Variants in SEMA5A observed in about 807,000 individuals in gnomAD.
SEMA5A encodes semaphorin-5A.
In SEMA5A, 55 loss-of-function variants were observed where a neutral mutation model predicts 135.5. The ratio of observed to expected loss-of-function variants is 0.41; its 90% CI spans 0.33 to 0.51. The LOEUF (loss-of-function observed/expected upper bound fraction) is 0.51. Among genes scored for constraint, SEMA5A ranks in the 20% least tolerant of loss-of-function variants. SEMA5A has a pLI of 0.37. For synonymous variants in SEMA5A, 580 were observed against 546.5 expected, an observed-to-expected ratio of 1.06 and a Z score of -0.85; for missense variants, 1,290 against 1,419.9, an observed-to-expected ratio of 0.91 and a Z score of 1.47.
chr5:9,470,599 G>A (rs1312459284), intron 1 of SEMA5A, among the ~76,000 whole-genome samples: 1 of 152,158 alleles, frequency 6.6e-6, no homozygotes, highest in South Asian at 2.1e-4. Flanking sequence ...GTTGGCCATA[G>A]TCCCAGGATT....
chr5:9,099,059 C>T (rs1164716131), intron 16 of SEMA5A, among the ~76,000 whole-genome samples: 1 of 152,036 alleles, frequency 6.6e-6, no homozygotes, highest in Admixed American at 6.6e-5. Flanking sequence ...ATCTCCATAC[C>T]AATTGCAATT....
intron 12 of SEMA5A, among the ~76,000 whole-genome samples, chr5:9,147,643 A>G (rs1190432910): frequency 6.6e-6 from 1 of 150,740 alleles, no homozygotes; most frequent in Non-Finnish European, 1.5e-5. Context: ...TGACTCTTTT[A>G]TATGTAAGCT....
At chr5:9,132,196 GTCT>G (rs1741475604) in intron 13 of SEMA5A, among the ~76,000 whole-genome samples, 1 of 152,116 alleles carries the variant, frequency 6.6e-6, no homozygotes, top group African/African-American at 2.4e-5. Flanking sequence ...TAGAAAATAA[GTCT>G]TCTTTAAGTC....
In SEMA5A at chr5:9,109,028, A is replaced by ATTTTTTTT. The variant is rs67762219; in HGVS notation, c.1926-749_1926-742dup. Among the ~76,000 whole-genome samples, 530 of 92,392 alleles carry ATTTTTTTT rather than the reference A, an allele frequency of 5.7e-3. 52 individuals are homozygous for ATTTTTTTT. Among genetic ancestry groups the ATTTTTTTT allele is most frequent in the African/African-American group, 0.014 (294 of 21,728 alleles). The allele number at this position is 92,392 out of a possible 152,430, so 60.6% of individuals were successfully genotyped here. ...TCATGAGTCATATTATTTCTCTTCA[A>ATTTTTTTT]TTTTTTTTTTTTTTTTTTTTTTTTT... On this transcript the variant is annotated intron_variant, in intron 15 of 22. Coordinates refer to ENST00000382496, the MANE Select transcript of SEMA5A (RefSeq NM_003966.3).
intron 12 of SEMA5A, among the ~76,000 whole-genome samples, chr5:9,141,254 T>G (rs1742050729): frequency 6.6e-6 from 1 of 152,198 alleles, no homozygotes; most frequent in South Asian, 2.1e-4. Flanking sequence ...AATCATGGGT[T>G]TCCAATTAAT....
chr5:9,358,674 T>G (rs1388395380), intron 3 of SEMA5A, among the ~76,000 whole-genome samples: 2 of 152,060 alleles, frequency 1.3e-5, no homozygotes, highest in Non-Finnish European at 2.9e-5. Context: ...GTTCAAAGAG[T>G]GGCTGAATGA....
rs949516645 is a variant in SEMA5A, at chr5:9,035,117, A to G, written c.*7780T>C. Reference sequence around the variant, plus strand: ...TACATAAAACATAAGTACAAAAAATATAATACAATTTATACTGTACACAAT... The same window carrying G: ...TACATAAAACATAAGTACAAAAAATGTAATACAATTTATACTGTACACAAT... On this transcript the variant is annotated 3_prime_UTR_variant, in exon 23 of 23. Transcript: ENST00000382496. The G allele has an allele frequency of 6.6e-6, 1 of 152,616 alleles. No individual in the cohort carries two copies. The highest frequency in any genetic ancestry group is 1.5e-5 in the Non-Finnish European group (1 of 68,040). The allele number at this position is 152,616 out of a possible 1,614,324, so 9.5% of individuals were successfully genotyped here. A position where few individuals can be genotyped will look rare whatever the true frequency, so the allele number is the denominator to read the frequency against.
At chr5:9,532,401 G>A (rs1209672791) in intron 1 of SEMA5A, among the ~76,000 whole-genome samples, 1 of 150,886 alleles carries the variant, frequency 6.6e-6, no homozygotes, top group African/African-American at 2.4e-5. Context: ...AAGTAGCTGG[G>A]ATTACAGGTG....
chr5:9,182,160 C>CA (rs370384556), intron 11 of SEMA5A, among the ~76,000 whole-genome samples: 8 of 138,514 alleles, frequency 5.8e-5, no homozygotes, highest in Non-Finnish European at 9.1e-5. Context: ...CCCCCCACCC[C>CA]AAAAAAAAAT....
At chr5:9,290,085 C>A (rs541297083) in intron 5 of SEMA5A, among the ~76,000 whole-genome samples, 205 of 152,158 alleles carry the variant, frequency 1.3e-3, no homozygotes, top group Non-Finnish European at 2.1e-3. Flanking sequence ...TTTTTGGAAA[C>A]AGGTGGTGTT....
chr5:9,079,192 G>A (rs369172213), intron 16 of SEMA5A, among the ~76,000 whole-genome samples: 91 of 151,924 alleles, frequency 6.0e-4, no homozygotes, highest in Middle Eastern at 6.8e-3. Flanking sequence ...GCAAAAGAAC[G>A]GAAATCATAA....
intron 1 of SEMA5A, chr5:9,522,956 C>A (rs138972991): frequency 6.6e-6 from 1 of 152,070 alleles, no homozygotes; most frequent in Admixed American, 6.6e-5. Context: ...TAAATGATGA[C>A]GCACATACAT....
At chr5:9,201,749 C>T (rs754122626) in intron 9 of SEMA5A, among the ~76,000 whole-genome samples, 4 of 152,072 alleles carry the variant, frequency 2.6e-5, no homozygotes, top group Admixed American at 1.3e-4. Flanking sequence ...CTTGATTTGG[C>T]GTATTTTTCC....
chr5:9,468,741 G>C (rs899542504), intron 1 of SEMA5A, among the ~76,000 whole-genome samples: 8 of 152,182 alleles, frequency 5.3e-5, no homozygotes, highest in African/African-American at 1.9e-4. Flanking sequence ...CTACATGATA[G>C]TTTGGGGTTT....
At chr5:9,419,179 T>C (rs1396528337) in intron 2 of SEMA5A, among the ~76,000 whole-genome samples, 2 of 152,168 alleles carry the variant, frequency 1.3e-5, no homozygotes, top group African/African-American at 4.8e-5. Context: ...TTGTATAGTT[T>C]TGAGAGATCT....
chr5:9,364,057 T>C (rs141320322), intron 3 of SEMA5A, among the ~76,000 whole-genome samples: 50 of 152,324 alleles, frequency 3.3e-4, no homozygotes, highest in African/African-American at 1.2e-3. Context: ...TAAATAAGTA[T>C]AGTAATGATA....
chr5:9,038,613 C>CTGAG lies in SEMA5A; in HGVS notation c.*4280_*4283dup, dbSNP rs1201910772. ...GGCTGTGTTTAGACAAAACGATTAG[C>CTGAG]TGAGTATAGACTTGATATATGTTTA... On this transcript the variant is annotated 3_prime_UTR_variant, in exon 23 of 23. Transcript: ENST00000382496. The CTGAG allele has an allele frequency of 6.6e-6, 1 of 152,108 alleles. No individual in the cohort carries two copies. Among genetic ancestry groups the CTGAG allele is most frequent in the Non-Finnish European group, 1.5e-5 (1 of 68,034 alleles). The allele number at this position is 152,108 out of a possible 1,614,324, so 9.4% of individuals were successfully genotyped here.
chr5:9,173,279 GTTTT>G (rs35531350), intron 11 of SEMA5A, among the ~76,000 whole-genome samples: 10 of 121,794 alleles, frequency 8.2e-5, no homozygotes, highest in Admixed American at 2.5e-4. Flanking sequence ...TCTTCACCCG[GTTTT>G]TTTTTTTTTT....
chr5:9,066,164 C>G (rs1737451300), intron 17 of SEMA5A, among the ~76,000 whole-genome samples: 1 of 152,200 alleles, frequency 6.6e-6, no homozygotes, highest in Non-Finnish European at 1.5e-5. Context: ...ACAAATGATT[C>G]TGGGTCTATA....
Sources: allele counts gnomAD v4.1 joint callset (sites outside exome capture counted in the v4.1 genomes callset), GRCh38; gene constraint gnomAD v4.1.1; transcripts MANE v1.5; gene names NCBI Gene and HGNC (gene_info 2026-07-23, HGNC 2026-07-21).